The following HGS variants were observed in gnomAD, a reference collection of about 807,000 sequenced individuals.
The protein encoded by HGS is human growth factor-regulated tyrosine kinase substrate.
A neutral mutation model predicts 109.7 loss-of-function variants in HGS; 63 were observed. That is an observed-to-expected ratio of 0.57 (90% CI 0.47 to 0.71). The LOEUF is 0.71. HGS is among the 30% of genes least tolerant of loss of function. The pLI, the probability that HGS is intolerant of heterozygous loss-of-function variation, is 0.00. For missense variants in HGS, 995 were observed against 1,068.3 expected, an observed-to-expected ratio of 0.93 and a Z score of 0.96; for synonymous variants, 546 against 437.3, an observed-to-expected ratio of 1.25 and a Z score of -3.10.
In HGS at chr17:81,696,401, G is replaced by C. The variant is rs1430440715; in HGVS notation, c.1438G>C (p.Ala480Pro). ...GGACAAGCTGGCACAGATCCGCGATGCCCGGGGGGCGCTGAGTGCCCTGCG... is the reference window on the plus strand; with the variant it reads ...GGACAAGCTGGCACAGATCCGCGATCCCCGGGGGGCGCTGAGTGCCCTGCG... ...LQDKLAQIRD[A>P]RGALSALREE... The change falls in exon 16 of 22, where the codon GCC (alanine) becomes CCC (proline). Residue 480 changes from alanine (A) to proline (P), a missense_variant. Around this residue, in one of 6 missense-constraint regions of HGS, gnomAD observed 163 missense variants for 217.8 expected, o/e 0.75. Transcript: ENST00000329138. 6.3e-7 allele frequency: 1 copy of C among 1,585,940 alleles called. No homozygotes were observed. Among genetic ancestry groups the C allele is most frequent in the Non-Finnish European group, 8.6e-7 (1 of 1,168,828 alleles).
chr17:81,701,727 C>G lies in HGS; in HGVS notation c.*109C>G. 1.4e-6 allele frequency: 2 copies of G among 1,440,618 alleles called. No homozygotes were observed. The highest frequency in any genetic ancestry group is 1.8e-6 in the Non-Finnish European group (2 of 1,089,306). The allele number at this position is 1,440,618 out of a possible 1,614,324, so 89.2% of individuals were successfully genotyped here. A position where few individuals can be genotyped will look rare whatever the true frequency, so the allele number is the denominator to read the frequency against. The stretch of plus-strand genomic sequence containing the variant: ...CTGTCCTCTACTGCCGGTAGTGTCC[C>G]TTCTCTGCGAGTGAGGGGGGGCCTT... On this transcript the variant is annotated 3_prime_UTR_variant, in exon 22 of 22. Transcript: ENST00000329138.
At position 81,685,627 on chromosome 17, in the gene HGS, G is replaced by A; in HGVS notation, c.60G>A (p.Leu20=). Residue 20 remains leucine, a synonymous_variant, in exon 2 of 22, where the codon CTG becomes CTA. Coordinates refer to ENST00000329138, the MANE Select transcript of HGS (RefSeq NM_004712.5). ...CAGACAAGGCGACCAGCCAGCTCCT[G>A]TTGGAGACAGATTGGGAGTCCATTT... The part of the protein sequence containing the change: ...RLLDKATSQL[L]LETDWESILQ... 5 of 1,611,698 alleles carry A rather than the reference G, an allele frequency of 3.1e-6. No individual in the cohort carries two copies. The highest frequency in any genetic ancestry group is 4.2e-6 in the Non-Finnish European group (5 of 1,179,040).
At position 81,690,470 on chromosome 17, in the gene HGS, C is replaced by T. The variant is rs2037046674; in HGVS notation, c.469-204C>T. The stretch of plus-strand genomic sequence containing the variant: ...GGGCTCGGGAAAGGAAAACAAGCAC[C>T]TTTGATGAGGAAGGAAGTCCCTTCC... On this transcript the variant is annotated intron_variant, in intron 6 of 21. Coordinates refer to ENST00000329138, the MANE Select transcript of HGS (RefSeq NM_004712.5). 1.9e-5 allele frequency: 12 copies of T among 632,002 alleles called. No individual in the cohort carries two copies. In the South Asian group the frequency reaches 2.4e-4, roughly 13 times the overall value. 39.1% of individuals were successfully genotyped at this position (632,002 alleles called of 1,614,324 possible). A position where few individuals can be genotyped will look rare whatever the true frequency, so the allele number is the denominator to read the frequency against.
chr17:81,685,796 C>T (rs1041095626), intron 2 of HGS, 107 bp downstream of exon 2: 11 of 768,984 alleles, frequency 1.4e-5, no homozygotes, highest in African/African-American at 8.7e-5. Context: ...GTGTTAGGCT[C>T]TTATGTGGAG....
rs528411622 is a variant in HGS, at chr17:81,689,897, A to G, written c.416-285A>G. 8.8e-3 allele frequency among the ~76,000 whole-genome samples: 1,339 copies of G among 152,222 alleles called. 13 individuals carry two copies. The highest frequency in any genetic ancestry group is 0.031 in the African/African-American group (1,276 of 41,538). ...CCAGAGAGCAGAGGGTGAGGGAGCC[A>G]CTCAGCAGGCGGGGCCACGCAGGGG... On this transcript the variant is annotated intron_variant, in intron 5 of 21. Coordinates refer to ENST00000329138, the MANE Select transcript of HGS (RefSeq NM_004712.5).
Position 81,691,810 on chromosome 17 carries a change from A to C in HGS, c.662+239A>C. 1 of 461,830 alleles carries C rather than the reference A, an allele frequency of 2.2e-6. No individual in the cohort carries two copies. The highest frequency in any genetic ancestry group is 3.9e-6 in the Non-Finnish European group (1 of 254,090). 28.6% of individuals were successfully genotyped at this position (461,830 alleles called of 1,614,324 possible). A position where few individuals can be genotyped will look rare whatever the true frequency, so the allele number is the denominator to read the frequency against. On this transcript the variant is annotated intron_variant, in intron 8 of 21. Coordinates refer to ENST00000329138, the MANE Select transcript of HGS (RefSeq NM_004712.5). The surrounding 1 kb of genome is among the most constrained non-coding windows in gnomAD (Gnocchi z 5.3). ...TCCAGGGACCGAGGCTGCCCCGACA[A>C]ACCTGTTGCTTGGGTTTGGGTTTGG...
In HGS at chr17:81,684,094, C is replaced by T; in HGVS notation, c.28C>T (p.Arg10Cys). 3 of 1,591,456 alleles carry T rather than the reference C, an allele frequency of 1.9e-6. No individual in the cohort carries two copies. Among genetic ancestry groups the T allele is most frequent in the Non-Finnish European group, 2.6e-6 (3 of 1,171,166 alleles). Residue 10 changes from arginine (R) to cysteine (C), a missense_variant, in exon 1 of 22, where the codon CGT becomes TGT. This residue lies in a region of HGS where 23 missense variants were observed against 25.4 expected (regional missense o/e 0.91). Coordinates refer to ENST00000329138, the MANE Select transcript of HGS (RefSeq NM_004712.5). Reference sequence around the variant, plus strand: ...GGGGCGAGGCAGCGGCACCTTCGAGCGTCTCCTAGGTAACGCGTCCCCACC... The same window carrying T: ...GGGGCGAGGCAGCGGCACCTTCGAGTGTCTCCTAGGTAACGCGTCCCCACC... MGRGSGTFE[R>C]LLDKATSQLL...
rs560509794 is a variant in HGS at position 81,685,560 on chromosome 17, G to A, written c.38-45G>A. On this transcript the variant is annotated intron_variant, in intron 1 of 21. Transcript: ENST00000329138. ...GCCAAGCTGGGGTGCTGCACGGGGC[G>A]TCCAGCAGGATAACCCCTCCCTTTC... 7.7e-5 allele frequency: 112 copies of A among 1,445,560 alleles called. No homozygotes were observed. In the South Asian group the frequency reaches 1.1e-3, roughly 14 times the overall value. The allele number at this position is 1,445,560 out of a possible 1,614,324, so 89.5% of individuals were successfully genotyped here.
chr17:81,700,367 CA>C (rs367982845), intron 18 of HGS, 99 bp from the exon 19 acceptor site: 191,257 of 924,712 alleles, frequency 0.21, 121 homozygotes, highest in Non-Finnish European at 0.21. Flanking sequence ...GACTCCATCT[CA>C]AAAAAAAAAA....
intron 1 of HGS, 189 bp downstream of exon 1, chr17:81,684,292 C>T (rs543176895): frequency 9.0e-6 from 4 of 445,214 alleles, no homozygotes; most frequent in Admixed American, 4.6e-5. Context: ...GGTCGGCGTC[C>T]GTCGGGCGTT....
chr17:81,701,127 A>C lies in HGS; in HGVS notation c.2219A>C (p.Gln740Pro). 6.2e-7 allele frequency: 1 copy of C among 1,613,608 alleles called. No individual in the cohort carries two copies. The highest frequency in any genetic ancestry group is 8.5e-7 in the Non-Finnish European group (1 of 1,179,818). The change falls in exon 21 of 22, where the codon CAG becomes CCG. Residue 740 changes from glutamine to proline, a missense_variant. By Grantham distance (76) the Gln-to-Pro change is moderately conservative. Around this residue, in one of 6 missense-constraint regions of HGS, gnomAD observed 326 missense variants for 309.7 expected, o/e 1.05. Coordinates refer to ENST00000329138, the MANE Select transcript of HGS (RefSeq NM_004712.5). Reference protein sequence around the residue: ...PYIAGQQPMYQQMAPSGGPPQ... With the variant: ...PYIAGQQPMYPQMAPSGGPPQ... The stretch of plus-strand genomic sequence containing the variant: ...ATCGCGGGGCAGCAGCCCATGTACC[A>C]GCAGGTGAGCCATTCCCGGGGCCTC...
At chr17:81,686,088 G>A (rs1038168355) in intron 2 of HGS, among the ~76,000 whole-genome samples, 3 of 151,926 alleles carry the variant, frequency 2.0e-5, no homozygotes, top group African/African-American at 2.4e-5. Context: ...TCACCATCAC[G>A]CCCGGCTGAT....
chr17:81,684,359 G>A (rs996240191), intron 1 of HGS: 1 of 349,626 alleles, frequency 2.9e-6, no homozygotes, highest in Admixed American at 4.8e-5. Flanking sequence ...CGGCGACCTC[G>A]CTCCTCCGCG....
At position 81,685,764 on chromosome 17, in the gene HGS, G is replaced by C. The variant is rs972956555; in HGVS notation, c.122+75G>C. On this transcript the variant is annotated intron_variant, in intron 2 of 21. Coordinates refer to ENST00000329138, the MANE Select transcript of HGS (RefSeq NM_004712.5). ...AGCTGGGCTCGCTTGGTGCCCGTTG[G>C]GTCTCCACGACGTAGCTGACCGTGT... is the stretch of plus-strand genomic sequence containing the variant. The C allele has an allele frequency of 3.5e-6, 4 of 1,130,196 alleles. No homozygotes were observed. In the African/African-American group the frequency reaches 6.1e-5, roughly 17 times the overall value. 70.0% of individuals were successfully genotyped at this position (1,130,196 alleles called of 1,614,324 possible).
intron 21 of HGS, 34 bp from the exon 22 acceptor site, chr17:81,701,473 AG>A: frequency 1.3e-6 from 2 of 1,525,666 alleles, no homozygotes; most frequent in Non-Finnish European, 1.8e-6. Flanking sequence ...TGGGGAAGGG[AG>A]GACCAGGGCC....
chr17:81,701,431 C>A, intron 21 of HGS, 77 bp from the exon 22 acceptor site: 1 of 1,434,248 alleles, frequency 7.0e-7, no homozygotes, highest in Non-Finnish European at 9.4e-7. Context: ...GGGTCTGTGG[C>A]TCTGCTGGGA....
rs1301664897 is a variant in HGS at position 81,700,142 on chromosome 17, G to A, written c.1883-325G>A. Among the ~76,000 whole-genome samples, 6 of 151,860 alleles carry A rather than the reference G, an allele frequency of 4.0e-5. No homozygotes were observed. The South Asian group carries it at 8.3e-4, about 21-fold the overall frequency. ...AGCACTTTGGGAGGCCGAGGCGGGCGGATCACAAGGTCAGGAGATCAAGAC... is the reference window on the plus strand; with the variant it reads ...AGCACTTTGGGAGGCCGAGGCGGGCAGATCACAAGGTCAGGAGATCAAGAC... On this transcript the variant is annotated intron_variant, in intron 18 of 21. Coordinates refer to ENST00000329138, the MANE Select transcript of HGS (RefSeq NM_004712.5).
intron 18 of HGS, among the ~76,000 whole-genome samples, chr17:81,700,245 C>T (rs62077184): frequency 0.43 from 63,115 of 146,376 alleles, 13,434 homozygotes; most frequent in Middle Eastern, 0.51. Context: ...GGCGTACGCC[C>T]GTAATCCCAG....
rs1446815904 is a variant in HGS at position 81,688,845 on chromosome 17, T to A, written c.415+18T>A. 1 of 1,613,766 alleles carries A rather than the reference T, an allele frequency of 6.2e-7. No homozygotes were observed. The highest frequency in any genetic ancestry group is 8.5e-7 in the Non-Finnish European group (1 of 1,179,920). On this transcript the variant is annotated intron_variant, in intron 5 of 21. Transcript: ENST00000329138. ...GGTGGAGGGTGAGTCAGGACTGAGG[T>A]TGGGACCAGGTTGAGGCTTGGAACT...
Sources: allele counts gnomAD v4.1 joint callset (sites outside exome capture counted in the v4.1 genomes callset), GRCh38; gene constraint gnomAD v4.1.1; regional missense constraint gnomAD v4.1.1; non-coding constraint Gnocchi (gnomAD v3.1); transcripts MANE v1.5; gene names NCBI Gene and HGNC (gene_info 2026-07-23, HGNC 2026-07-21).